TEX10: variants seen among roughly 807,000 people sequenced by gnomAD.
The protein encoded by TEX10 is testis expressed 10.
A neutral mutation model predicts 104.4 loss-of-function variants in TEX10; 24 were observed. The observed-to-expected ratio is 0.23, with a 90% CI of 0.17 to 0.32. TEX10 has a LOEUF of 0.32. Among genes scored for constraint, TEX10 ranks in the 10% least tolerant of loss-of-function variants. The pLI, the probability that TEX10 is intolerant of heterozygous loss-of-function variation, is 1.00. For synonymous variants in TEX10, 396 were observed against 393.4 expected (o/e 1.01, Z -0.08); for missense variants, 921 against 1,083.9 (o/e 0.85, Z 2.11).
rs1835317726 is a variant in TEX10 at position 100,347,056 on chromosome 9, G to A, written c.531C>T (p.Gly177=). 1.9e-6 allele frequency: 3 copies of A among 1,614,130 alleles called. No individual in the cohort carries two copies. Among genetic ancestry groups the A allele is most frequent in the Non-Finnish European group, 2.5e-6 (3 of 1,180,008 alleles). ...LLEQYPALIT[G]RSSILLKNFV... is the part of the protein sequence containing the mutation. Reference sequence around the variant, plus strand: ...AATTCTTAAGCAATATGCTGCTACGGCCAGTAATTAGAGCTGGGTACTGTT... The same window carrying A: ...AATTCTTAAGCAATATGCTGCTACGACCAGTAATTAGAGCTGGGTACTGTT... The change falls in exon 3 of 15, where the codon GGC becomes GGT. Residue 177 remains glycine, a synonymous_variant. Transcript: ENST00000374902.
intron 5 of TEX10, among the ~76,000 whole-genome samples, chr9:100,335,814 G>C (rs1270595657): frequency 6.6e-6 from 1 of 151,796 alleles, no homozygotes; most frequent in African/African-American, 2.4e-5. Context: ...CACTTAAAAA[G>C]TGGTTTAAAT....
intron 11 of TEX10, among the ~76,000 whole-genome samples, chr9:100,310,603 A>G (rs1834253628): frequency 6.6e-6 from 1 of 151,972 alleles, no homozygotes; most frequent in Non-Finnish European, 1.5e-5. Context: ...ACGCCTGGCT[A>G]ATTTTTGTAT....
intron 4 of TEX10, among the ~76,000 whole-genome samples, chr9:100,344,205 A>G (rs1227987647): frequency 6.6e-6 from 1 of 152,150 alleles, no homozygotes; most frequent in Admixed American, 6.5e-5. Flanking sequence ...CAGTATCTCA[A>G]TTTGTATTCT....
chr9:100,318,536 C>G (rs1834481254), intron 11 of TEX10, among the ~76,000 whole-genome samples: 1 of 152,164 alleles, frequency 6.6e-6, no homozygotes, highest in African/African-American at 2.4e-5. Flanking sequence ...GGGTGATACT[C>G]TCAGATACCT....
chr9:100,349,311 A>G lies in TEX10; in HGVS notation c.53T>C (p.Val18Ala). ...TTGTAACTTGGGCTTCTTTTTACCAACTTTCAATTTTACTTTTTGAAAATC... is the reference window on the plus strand; with the variant it reads ...TTGTAACTTGGGCTTCTTTTTACCAGCTTTCAATTTTACTTTTTGAAAATC... ...QHDFQKVKLKVGKKKPKLQNA... is the reference protein window; with the variant it reads ...QHDFQKVKLKAGKKKPKLQNA... The change falls in exon 2 of 15, where the codon GTT becomes GCT. Residue 18 changes from valine (V) to alanine (A), a missense_variant. Transcript: ENST00000374902. 1.2e-6 allele frequency: 2 copies of G among 1,603,268 alleles called. No individual in the cohort carries two copies. Among genetic ancestry groups the G allele is most frequent in the Non-Finnish European group, 8.5e-7 (1 of 1,177,148 alleles).
intron 7 of TEX10, 31 bp downstream of exon 7, chr9:100,329,108 GA>G: frequency 6.4e-7 from 1 of 1,562,840 alleles, no homozygotes; most frequent in Non-Finnish European, 8.6e-7. Context: ...CTCAGCAAGA[GA>G]AAAAAGAAAG....
intron 14 of TEX10, among the ~76,000 whole-genome samples, chr9:100,303,143 T>A (rs542232875): frequency 6.6e-6 from 1 of 152,318 alleles, no homozygotes; most frequent in South Asian, 2.1e-4. Context: ...ATGGAGCACT[T>A]AACAAATGTC....
At chr9:100,341,245 C>T (rs1253332992) in intron 4 of TEX10, among the ~76,000 whole-genome samples, 4 of 152,162 alleles carry the variant, frequency 2.6e-5, no homozygotes, top group African/African-American at 9.7e-5. Context: ...GGATTACAGG[C>T]GTGAGCCACT....
At position 100,346,669 on chromosome 9, in the gene TEX10, T is replaced by C. The variant is rs771142760; in HGVS notation, c.893+25A>G. ...TATAATTCAATACAGCAAAACTGTG[T>C]GGACATAACTGAAATCCTTCTTACC... is the stretch of plus-strand genomic sequence containing the variant. On this transcript the variant is annotated intron_variant, in intron 3 of 14. Transcript: ENST00000374902. The C allele has an allele frequency of 4.8e-5, 76 of 1,577,178 alleles. No homozygotes were observed. The Middle Eastern group carries it at 6.8e-4, about 14-fold the overall frequency.
intron 1 of TEX10, among the ~76,000 whole-genome samples, chr9:100,351,871 A>G (rs1156767244): frequency 1.3e-5 from 2 of 152,224 alleles, no homozygotes; most frequent in Non-Finnish European, 2.9e-5. Flanking sequence ...AGCAAATCAA[A>G]AAGTCCCACT....
chr9:100,341,161 T>A (rs961032319), intron 4 of TEX10, among the ~76,000 whole-genome samples: 1 of 152,214 alleles, frequency 6.6e-6, no homozygotes, highest in African/African-American at 2.4e-5. Flanking sequence ...GAGCTGGGTT[T>A]CACCATGTTG....
At chr9:100,335,816 G>A (rs1834991991) in intron 5 of TEX10, among the ~76,000 whole-genome samples, 1 of 151,598 alleles carries the variant, frequency 6.6e-6, no homozygotes, top group Non-Finnish European at 1.5e-5. Context: ...CTTAAAAAGT[G>A]GTTTAAATGG....
At chr9:100,326,263 G>T in intron 9 of TEX10, 39 bp downstream of exon 9, 1 of 1,590,020 alleles carries the variant, frequency 6.3e-7, no homozygotes, top group Non-Finnish European at 8.6e-7. Context: ...AGGGGAAAAA[G>T]ATTATACACT....
At chr9:100,302,951 C>A (rs1834041034) in intron 14 of TEX10, among the ~76,000 whole-genome samples, 1 of 140,934 alleles carries the variant, frequency 7.1e-6, no homozygotes, top group Admixed American at 7.3e-5. Flanking sequence ...ACTAAAATCA[C>A]CAAAGGAATC....
At chr9:100,309,036 T>C (rs898897419) in intron 12 of TEX10, among the ~76,000 whole-genome samples, 4 of 152,318 alleles carry the variant, frequency 2.6e-5, no homozygotes, top group East Asian at 1.9e-4. Flanking sequence ...CCAACAATCA[T>C]ACTTAAAAAT....
chr9:100,329,211 T>A lies in TEX10; in HGVS notation c.1554A>T (p.Pro518=). The change falls in exon 7 of 15, where the codon CCA becomes CCT. Residue 518 remains proline, a synonymous_variant. Transcript: ENST00000374902. ...AAAACTTCAATAACAAAGTCCGAAC[T>A]GGAAGGATAAGGCCCCTCTGCTGAT... ...TLYQQRGLIL[P]VRTLLLKFFS... is the part of the protein sequence containing the mutation. 3 of 1,613,074 alleles carry A rather than the reference T, an allele frequency of 1.9e-6. No homozygotes were observed. The highest frequency in any genetic ancestry group is 2.5e-6 in the Non-Finnish European group (3 of 1,179,652).
intron 13 of TEX10, chr9:100,304,824 T>C (rs7020988): frequency 0.62 from 94,080 of 151,914 alleles, 31,022 homozygotes; most frequent in East Asian, 0.89. Context: ...CACCACTGCA[T>C]TCCAGCCTGG....
chr9:100,317,767 AG>A (rs1242375794), intron 11 of TEX10, among the ~76,000 whole-genome samples: 2 of 152,198 alleles, frequency 1.3e-5, no homozygotes, highest in Non-Finnish European at 2.9e-5. Flanking sequence ...TTACAATACA[AG>A]GAACTCAAGC....
At chr9:100,349,036 G>A in intron 2 of TEX10, 148 bp downstream of exon 2, 1 of 547,280 alleles carries the variant, frequency 1.8e-6, no homozygotes, top group Non-Finnish European at 2.8e-6. Flanking sequence ...AGATCTTTGG[G>A]TAAAAGATAA....
Sources: allele counts gnomAD v4.1 joint callset (sites outside exome capture counted in the v4.1 genomes callset), GRCh38; gene constraint gnomAD v4.1.1; transcripts MANE v1.5; gene names NCBI Gene and HGNC (gene_info 2026-07-23, HGNC 2026-07-21).